Variants in UNC79 observed in about 807,000 individuals in gnomAD.
The protein encoded by UNC79 is unc-79 subunit of NALCN channel complex, also known as protein unc-79 homolog.
In UNC79, 37 loss-of-function variants were observed where a neutral mutation model predicts 283.1. The ratio of observed to expected loss-of-function variants is 0.13; its 90% CI spans 0.10 to 0.17. UNC79 has a LOEUF of 0.17. Ranked by LOEUF, UNC79 falls within the 10% of genes least tolerant of loss-of-function variation. The pLI, the probability that UNC79 is intolerant of heterozygous loss-of-function variation, is 1.00. For synonymous variants in UNC79, 1,107 were observed against 1,200.2 expected, an observed-to-expected ratio of 0.92 and a Z score of 1.61; for missense variants, 2,272 against 3,211.1, an observed-to-expected ratio of 0.71 and a Z score of 7.07.
intron 23 of UNC79, among the ~76,000 whole-genome samples, chr14:93,594,617 C>T (rs1566733824): frequency 6.6e-6 from 1 of 152,188 alleles, no homozygotes; most frequent in Non-Finnish European, 1.5e-5. Context: ...TGCTGTATAC[C>T]CTTGCCACTG....
intron 1 of UNC79, among the ~76,000 whole-genome samples, chr14:93,380,431 A>G (rs1170045758): frequency 2.0e-5 from 3 of 152,080 alleles, no homozygotes; most frequent in African/African-American, 7.2e-5. Flanking sequence ...CCCACATCCT[A>G]CAGGGCTACT....
intron 40 of UNC79, among the ~76,000 whole-genome samples, chr14:93,670,019 G>T (rs2072663189): frequency 1.3e-5 from 2 of 152,178 alleles, no homozygotes; most frequent in African/African-American, 4.8e-5. Flanking sequence ...ATTATGAAAG[G>T]ATTAAGATAC....
chr14:93,633,873 G>T (rs2068262037), intron 31 of UNC79, among the ~76,000 whole-genome samples: 2 of 152,170 alleles, frequency 1.3e-5, no homozygotes, highest in Admixed American at 1.3e-4. Flanking sequence ...GTGGAATGTT[G>T]TTTGATTCAC....
intron 7 of UNC79, among the ~76,000 whole-genome samples, chr14:93,503,145 A>C (rs1046146976): frequency 6.6e-6 from 1 of 152,108 alleles, no homozygotes; most frequent in Non-Finnish European, 1.5e-5. Flanking sequence ...TGTCTGTTTT[A>C]GAATTTTATA....
chr14:93,647,392 G>T (rs968712810), intron 35 of UNC79, among the ~76,000 whole-genome samples: 7 of 152,350 alleles, frequency 4.6e-5, no homozygotes, highest in African/African-American at 1.2e-4. Context: ...GGGAGATAGA[G>T]AGTGCCCGGA....
At chr14:93,582,203 G>A (rs1363410123) in exon 20 of UNC79, 1 of 1,614,086 alleles carries the variant, frequency 6.2e-7, no homozygotes, top group South Asian at 1.1e-5. Flanking sequence ...TTTATTTCAG[G>A]AGCCCACAGA....
chr14:93,566,772 C>T (rs961773172), intron 14 of UNC79, among the ~76,000 whole-genome samples: 47 of 151,108 alleles, frequency 3.1e-4, no homozygotes, highest in Admixed American at 2.9e-3. Flanking sequence ...TGAGTAGCTG[C>T]GACTACAGGC....
At chr14:93,627,603 C>T (rs1366580534) in intron 30 of UNC79, among the ~76,000 whole-genome samples, 1 of 152,154 alleles carries the variant, frequency 6.6e-6, no homozygotes, top group Non-Finnish European at 1.5e-5. Context: ...CTTTCCAAGC[C>T]TCTGGCCATG....
chr14:93,593,643 A>G lies in UNC79; in HGVS notation c.3033-37A>G, dbSNP rs370272048. ...AGGATCTTTTTCTGGAAAAGTTGTG[A>G]TAACTGTCACCACTTTGCTTCTCCT... is the stretch of plus-strand genomic sequence containing the variant. On this transcript the variant is annotated intron_variant, in intron 22 of 48. Coordinates refer to ENST00000555664, the Ensembl canonical transcript of UNC79. 6 of 1,582,334 alleles carry G rather than the reference A, an allele frequency of 3.8e-6. No homozygotes were observed. The Admixed American group carries it at 7.4e-5, about 20-fold the overall frequency.
chr14:93,612,834 C>G (rs910252263), exon 27 of UNC79: 1 of 1,614,090 alleles, frequency 6.2e-7, no homozygotes, highest in Admixed American at 1.7e-5. Flanking sequence ...CCATCAAGGA[C>G]CTGCTCCCAG....
At chr14:93,593,880 ACACGGGTGTCTGGT>A in intron 23 of UNC79, 43 bp downstream of exon 23, 3 of 1,533,100 alleles carry the variant, frequency 2.0e-6, no homozygotes, top group Non-Finnish European at 2.6e-6. Context: ...GTCACACAGT[ACACGGGTGTCTGGT>A]CACGGCATCT....
intron 1 of UNC79, among the ~76,000 whole-genome samples, chr14:93,388,214 C>T (rs138678056): frequency 0.014 from 2,131 of 152,094 alleles, 24 homozygotes; most frequent in Middle Eastern, 0.034. Context: ...TGGGCTCAAG[C>T]GATCCTTCTG....
intron 31 of UNC79, among the ~76,000 whole-genome samples, chr14:93,636,106 C>T (rs1292209602): frequency 1.3e-5 from 2 of 152,124 alleles, no homozygotes; most frequent in Non-Finnish European, 2.9e-5. Context: ...TCAATGGGCA[C>T]AGTAGTTATA....
intron 41 of UNC79, among the ~76,000 whole-genome samples, chr14:93,681,139 T>G (rs953274619): frequency 1.3e-5 from 2 of 152,240 alleles, no homozygotes; most frequent in African/African-American, 4.8e-5. Flanking sequence ...GCTAAATAGA[T>G]TCTTCAGTTT....
At chr14:93,404,292 C>T (rs1343429111) in intron 1 of UNC79, among the ~76,000 whole-genome samples, 3 of 146,560 alleles carry the variant, frequency 2.0e-5, no homozygotes, top group Non-Finnish European at 4.5e-5. Context: ...AAATGTGACC[C>T]TGGGCAACAT....
At chr14:93,638,461 A>T (rs1323509738) in intron 32 of UNC79, among the ~76,000 whole-genome samples, 9 of 152,204 alleles carry the variant, frequency 5.9e-5, no homozygotes, top group Admixed American at 5.9e-4. Flanking sequence ...ACTAAGATGG[A>T]AAGTCAGTCT....
At chr14:93,541,547 A>G (rs1384850959) in intron 13 of UNC79, among the ~76,000 whole-genome samples, 1 of 152,198 alleles carries the variant, frequency 6.6e-6, no homozygotes, top group Non-Finnish European at 1.5e-5. Context: ...TGTTGATTTC[A>G]CATATCTTGC....
intron 40 of UNC79, among the ~76,000 whole-genome samples, chr14:93,665,900 G>C (rs909464324): frequency 2.0e-5 from 3 of 152,168 alleles, no homozygotes; most frequent in Admixed American, 2.0e-4. Flanking sequence ...CAAGAAGGAA[G>C]GAGTGAAATG....
intron 7 of UNC79, among the ~76,000 whole-genome samples, chr14:93,499,129 T>C (rs904266709): frequency 6.6e-6 from 1 of 152,200 alleles, no homozygotes; most frequent in Non-Finnish European, 1.5e-5. Context: ...GTGGGCTTAT[T>C]CTAAGCCCAA....
Sources: allele counts gnomAD v4.1 joint callset (sites outside exome capture counted in the v4.1 genomes callset), GRCh38; gene constraint gnomAD v4.1.1; transcripts MANE v1.5; gene names NCBI Gene and HGNC (gene_info 2026-07-23, HGNC 2026-07-21).